Variants in DAB1 observed in about 807,000 individuals in gnomAD.
DAB1 encodes DAB adaptor protein 1.
DAB1 carries 15 observed loss-of-function variants against 64.6 expected under a neutral mutation model. The ratio of observed to expected loss-of-function variants is 0.23; its 90% CI spans 0.16 to 0.36. The LOEUF (loss-of-function observed/expected upper bound fraction) is 0.36. Ranked by LOEUF, DAB1 falls within the 10% of genes least tolerant of loss-of-function variation. DAB1 has a pLI of 1.00. For synonymous variants in DAB1, 235 were observed against 251.9 expected (o/e 0.93, Z 0.64); for missense variants, 596 against 706.7 (o/e 0.84, Z 1.78).
At chr1:58,105,913 A>C (rs1238618100) in intron 5 of DAB1, among the ~76,000 whole-genome samples, 1 of 152,188 alleles carries the variant, frequency 6.6e-6, no homozygotes, top group East Asian at 1.9e-4. Flanking sequence ...TCATTTATTC[A>C]ACAAAACTTC....
rs532407233 is a variant in DAB1 at position 58,480,828 on chromosome 1, G to C, written n.257+25232C>G. The C allele has an allele frequency of 2.4e-5, 13 of 542,042 alleles. No individual in the cohort carries two copies. In the East Asian group the frequency reaches 4.1e-4, roughly 17 times the overall value. The allele number at this position is 542,042 out of a possible 1,614,324, so 33.6% of individuals were successfully genotyped here. A position where few individuals can be genotyped will look rare whatever the true frequency, so the allele number is the denominator to read the frequency against. On this transcript the variant is annotated intron_variant and non_coding_transcript_variant, in intron 3 of 20. Transcript: ENST00000485760. ...GAAAAATAAATTCTAGAAGAATTTA[G>C]ATAATATCTGTAATGTACATGATTT...
chr1:57,390,054 G>T (rs1014899902), intron 1 of DAB1, among the ~76,000 whole-genome samples: 1 of 152,214 alleles, frequency 6.6e-6, no homozygotes, highest in Non-Finnish European at 1.5e-5. Flanking sequence ...TGCATCCATG[G>T]TCTGCTCTTA....
chr1:58,497,044 A>G (rs1474433497), intron 3 of DAB1, among the ~76,000 whole-genome samples: 2 of 152,222 alleles, frequency 1.3e-5, no homozygotes, highest in African/African-American at 4.8e-5. Context: ...GAGACTTCCA[A>G]TGCAAAGCAC....
chr1:57,373,006 G>A (rs11590652), intron 1 of DAB1, among the ~76,000 whole-genome samples: 47,826 of 145,926 alleles, frequency 0.33, 7,924 homozygotes, highest in African/African-American at 0.39. Flanking sequence ...GTGAGACTAC[G>A]TCTCTAGAAA....
intron 5 of DAB1, among the ~76,000 whole-genome samples, chr1:57,976,336 G>A (rs1645919429): frequency 2.0e-5 from 3 of 152,114 alleles, no homozygotes; most frequent in Admixed American, 1.3e-4. Context: ...CTTCATTTGA[G>A]GGGAAATATT....
chr1:57,067,983 C>G (rs1651087664), intron 8 of DAB1, among the ~76,000 whole-genome samples: 2 of 152,254 alleles, frequency 1.3e-5, no homozygotes, highest in Admixed American at 1.3e-4. Context: ...GGTAAGAGAG[C>G]CTGGACTACA....
intron 6 of DAB1, among the ~76,000 whole-genome samples, chr1:57,816,848 C>T (rs1337046155): frequency 1.3e-5 from 2 of 152,122 alleles, no homozygotes; most frequent in East Asian, 1.9e-4. Context: ...CTAGGATTAC[C>T]GTATGCCTAT....
At chr1:57,740,046 C>CTACAA (rs1320762175) in intron 6 of DAB1, among the ~76,000 whole-genome samples, 77 of 103,106 alleles carry the variant, frequency 7.5e-4, no homozygotes, top group African/African-American at 2.7e-3. Flanking sequence ...ACTACTACTA[C>CTACAA]AAAAAAAAAA....
At chr1:58,151,360 T>C (rs912359012) in intron 4 of DAB1, among the ~76,000 whole-genome samples, 10 of 152,216 alleles carry the variant, frequency 6.6e-5, no homozygotes, top group Middle Eastern at 3.2e-3. Context: ...ATCTGTTGTT[T>C]CCTGACTTTT....
intron 5 of DAB1, among the ~76,000 whole-genome samples, chr1:58,025,436 A>G (rs986907450): frequency 1.3e-5 from 2 of 151,858 alleles, no homozygotes; most frequent in Admixed American, 1.3e-4. Context: ...TTGGTTGAGA[A>G]AACTAGAAAC....
chr1:58,529,044 C>A (rs199895495), intron 1 of DAB1, among the ~76,000 whole-genome samples: 3 of 152,118 alleles, frequency 2.0e-5, no homozygotes, highest in East Asian at 1.9e-4. Context: ...CACATTAATT[C>A]TTTTAATTTC....
intron 7 of DAB1, among the ~76,000 whole-genome samples, chr1:57,455,919 C>CCT (rs1411428910): frequency 6.6e-6 from 1 of 152,116 alleles, no homozygotes; most frequent in Non-Finnish European, 1.5e-5. Context: ...GATGGTCCAT[C>CCT]CTCTGCCTGA....
chr1:57,553,380 GAA>G lies in DAB1; in HGVS notation n.625+96210_625+96211del, dbSNP rs1376362821. Among the ~76,000 whole-genome samples, 9 of 4,606 alleles carry G rather than the reference GAA, an allele frequency of 2.0e-3. No individual in the cohort carries two copies. In the Non-Finnish European group the frequency reaches 0.031, roughly 16 times the overall value. The allele number at this position is 4,606 out of a possible 152,430, so 3.0% of individuals were successfully genotyped here. ...GAAAGAAAGAGAAGGAAGGAAGGAAGAAAGAGAAAGAAAGAAAGAAAGAAAGA... is the reference window on the plus strand; with the variant it reads ...GAAAGAAAGAGAAGGAAGGAAGGAAGAGAGAAAGAAAGAAAGAAAGAAAGA... On this transcript the variant is annotated intron_variant and non_coding_transcript_variant, in intron 7 of 20. Transcript: ENST00000485760.
chr1:57,855,593 T>C (rs1380607956), intron 1 of DAB1, among the ~76,000 whole-genome samples: 2 of 152,068 alleles, frequency 1.3e-5, no homozygotes, highest in Non-Finnish European at 2.9e-5. Context: ...GGGTGGGCCA[T>C]ACCAATACCT....
chr1:58,449,546 G>T (rs538654333), intron 3 of DAB1, among the ~76,000 whole-genome samples: 1 of 152,172 alleles, frequency 6.6e-6, no homozygotes, highest in Non-Finnish European at 1.5e-5. Context: ...AGGAGTCCTC[G>T]TGCTCCACTC....
intron 2 of DAB1, among the ~76,000 whole-genome samples, chr1:57,159,173 G>GTT (rs372634194): frequency 1.3e-5 from 2 of 149,562 alleles, no homozygotes; most frequent in African/African-American, 4.9e-5. Context: ...TTTATTTCAG[G>GTT]TTTTTTTTTT....
At chr1:57,918,596 G>C (rs149461001) in intron 5 of DAB1, among the ~76,000 whole-genome samples, 1 of 152,036 alleles carries the variant, frequency 6.6e-6, no homozygotes, top group Non-Finnish European at 1.5e-5. Context: ...AGGCCGGGGC[G>C]GGCAGATCAC....
intron 3 of DAB1, among the ~76,000 whole-genome samples, chr1:58,491,999 G>A (rs1645702612): frequency 6.6e-6 from 1 of 152,040 alleles, no homozygotes; most frequent in Middle Eastern, 3.2e-3. Flanking sequence ...TTCCAAAATT[G>A]ACCACATAGT....
chr1:57,309,605 G>A (rs1674498149), intron 1 of DAB1, among the ~76,000 whole-genome samples: 1 of 152,026 alleles, frequency 6.6e-6, no homozygotes, highest in South Asian at 2.1e-4. Context: ...TCCAGGCACA[G>A]GCACAGGCAA....
Sources: gnomAD v4.1 joint callset for allele counts (sites outside exome capture counted in the v4.1 genomes callset) on GRCh38, gnomAD v4.1.1 for gene constraint, MANE v1.5 for transcripts, NCBI Gene and HGNC (gene_info 2026-07-23, HGNC 2026-07-21) for gene names.